FBLN1: variants seen among roughly 807,000 people sequenced by gnomAD.
The protein encoded by FBLN1 is fibulin 1.
Under a neutral mutation model 89.7 loss-of-function variants are expected in FBLN1, and 34 were observed. The observed-to-expected ratio is 0.38, with a 90% CI of 0.29 to 0.50. FBLN1 has a LOEUF of 0.50. FBLN1 is among the 20% of genes least tolerant of loss of function. FBLN1 has a pLI of 0.92. For synonymous variants in FBLN1, 393 were observed against 391.3 expected, an observed-to-expected ratio of 1.00 and a Z score of -0.05; for missense variants, 777 against 988.1, an observed-to-expected ratio of 0.79 and a Z score of 2.86.
At chr22:45,565,772 G>C (rs1465444456) in intron 14 of FBLN1, 2 of 157,864 alleles carry the variant, frequency 1.3e-5, no homozygotes, top group Admixed American at 1.2e-4. Flanking sequence ...TTCAAATATC[G>C]TCTCCTCAGC....
At chr22:45,516,727 G>A (rs1278621611) in intron 1 of FBLN1, among the ~76,000 whole-genome samples, 1 of 152,208 alleles carries the variant, frequency 6.6e-6, no homozygotes, top group Non-Finnish European at 1.5e-5. Flanking sequence ...CCTTACCCAC[G>A]CCACTGCAGG....
intron 16 of FBLN1, among the ~76,000 whole-genome samples, chr22:45,589,188 C>T (rs1000449048): frequency 2.0e-5 from 3 of 151,458 alleles, no homozygotes; most frequent in Non-Finnish European, 4.4e-5. Context: ...CCCTGTAGAT[C>T]ATTATTCCCA....
At position 45,556,071 on chromosome 22, in the gene FBLN1, C is replaced by T. The variant is rs148842647; in HGVS notation, c.1697+5456C>T. ...AGTGTGGTGGTGTGATTTTGTCTCA[C>T]CGCAACCTCCACGTCCCGAGTTCAA... is the stretch of plus-strand genomic sequence containing the variant. On this transcript the variant is annotated intron_variant, in intron 14 of 16. Coordinates refer to ENST00000327858, the MANE Select transcript of FBLN1 (RefSeq NM_006486.3). This position sits in a 1 kb window ranked among gnomAD's most constrained non-coding sequence, Gnocchi z 4.6. 7.9e-5 allele frequency among the ~76,000 whole-genome samples: 12 copies of T among 152,302 alleles called. No homozygotes were observed. The highest frequency in any genetic ancestry group is 2.9e-4 in the African/African-American group (12 of 41,572).
chr22:45,541,373 G>T lies in FBLN1; in HGVS notation c.1066+1G>T. 6.2e-7 allele frequency: 1 copy of T among 1,614,250 alleles called. No individual in the cohort carries two copies. The highest frequency in any genetic ancestry group is 1.3e-5 in the African/African-American group (1 of 75,070). On this transcript the variant is annotated splice_donor_variant, in intron 9 of 16. Coordinates refer to ENST00000327858, the MANE Select transcript of FBLN1 (RefSeq NM_006486.3). LOFTEE classifies it high-confidence loss of function. ...AACGAGGAGGGAACGCGCTGTGTTG[G>T]TTGGTATTAAGAAAACAAATCTGAA...
intron 14 of FBLN1, among the ~76,000 whole-genome samples, chr22:45,554,305 C>T: frequency 6.6e-6 from 1 of 152,230 alleles, no homozygotes; most frequent in East Asian, 1.9e-4. Flanking sequence ...GGTCATAGCT[C>T]CTCAGAGGCC....
At chr22:45,548,119 G>A (rs576863489) in intron 12 of FBLN1, among the ~76,000 whole-genome samples, 1 of 152,312 alleles carries the variant, frequency 6.6e-6, no homozygotes, top group East Asian at 1.9e-4. Flanking sequence ...TACAAACACG[G>A]CTCACTGCAG....
At chr22:45,573,317 C>A (rs1398524134) in intron 14 of FBLN1, among the ~76,000 whole-genome samples, 1 of 151,934 alleles carries the variant, frequency 6.6e-6, no homozygotes, top group Non-Finnish European at 1.5e-5. Context: ...AGAGCAAAAA[C>A]TTGTTGATGG....
At chr22:45,516,521 A>G (rs535629669) in intron 1 of FBLN1, among the ~76,000 whole-genome samples, 8 of 152,224 alleles carry the variant, frequency 5.3e-5, no homozygotes, top group Non-Finnish European at 1.2e-4. Flanking sequence ...CCCCATGATA[A>G]CACGGTTGTC....
chr22:45,557,376 A>T lies in FBLN1; in HGVS notation c.1697+6761A>T, dbSNP rs564985951. 6.6e-6 allele frequency among the ~76,000 whole-genome samples: 1 copy of T among 152,226 alleles called. No homozygotes were observed. The highest frequency in any genetic ancestry group is 2.1e-4 in the South Asian group (1 of 4,812). ...TGATGGAAGAGGTCCAGTATAATCA[A>T]CCTGCCACCAGGTAGCTGGCTGATC... On this transcript the variant is annotated intron_variant, in intron 14 of 16. Transcript: ENST00000327858. The surrounding 1 kb of genome is among the most constrained non-coding windows in gnomAD (Gnocchi z 4.9).
chr22:45,543,684 G>T (rs1190762588), intron 11 of FBLN1, among the ~76,000 whole-genome samples, 158 bp downstream of exon 11: 2 of 152,196 alleles, frequency 1.3e-5, no homozygotes, highest in African/African-American at 2.4e-5. Context: ...CATCAGAGAG[G>T]ACTGCCCGCC....
rs1164888843 is a variant in FBLN1 at position 45,565,213 on chromosome 22, G to A, written c.1698-9298G>A. 8.0e-6 allele frequency: 12 copies of A among 1,491,914 alleles called. No individual in the cohort carries two copies. In the Admixed American group the frequency reaches 9.1e-5, roughly 11 times the overall value. 92.4% of individuals were successfully genotyped at this position (1,491,914 alleles called of 1,614,324 possible). On this transcript the variant is annotated intron_variant, in intron 14 of 16. Transcript: ENST00000327858. The stretch of plus-strand genomic sequence containing the variant: ...CTCTCTGAAGGACCAGTCTGGTTAC[G>A]ATGGTCTGAGCTTCCTTAGAACCTT...
chr22:45,555,278 T>A (rs954717173), intron 14 of FBLN1, among the ~76,000 whole-genome samples: 52 of 146,682 alleles, frequency 3.5e-4, no homozygotes, highest in East Asian at 1.6e-3. Context: ...ATGGAATATA[T>A]ATATATATAT....
Position 45,537,619 on chromosome 22 carries a change from CAAA to C in FBLN1, c.922+2295_922+2297del, listed in dbSNP as rs136748. Among the ~76,000 whole-genome samples, 10 of 135,568 alleles carry C rather than the reference CAAA, an allele frequency of 7.4e-5. No individual in the cohort carries two copies. Among genetic ancestry groups the C allele is most frequent in the Admixed American group, 1.5e-4 (2 of 13,364 alleles). The allele number at this position is 135,568 out of a possible 152,430, so 88.9% of individuals were successfully genotyped here. On this transcript the variant is annotated intron_variant, in intron 8 of 16. Coordinates refer to ENST00000327858, the MANE Select transcript of FBLN1 (RefSeq NM_006486.3). This position sits in a 1 kb window ranked among gnomAD's most constrained non-coding sequence, Gnocchi z 5.7. ...TGGACAACAGAGCAAGACTCTGTGT[CAAA>C]AAAAAAAAAAAAGATAAAAAGACAA... is the stretch of plus-strand genomic sequence containing the variant.
intron 11 of FBLN1, among the ~76,000 whole-genome samples, chr22:45,546,195 G>A (rs1190666891): frequency 6.6e-6 from 1 of 151,842 alleles, no homozygotes; most frequent in Admixed American, 6.6e-5. Flanking sequence ...AAAAAAGAGT[G>A]AATGTGGCTG....
Position 45,536,431 on chromosome 22 carries a change from A to G in FBLN1, c.922+1094A>G, listed in dbSNP as rs2088483460. On this transcript the variant is annotated intron_variant, in intron 8 of 16. Coordinates refer to ENST00000327858, the MANE Select transcript of FBLN1 (RefSeq NM_006486.3). The surrounding 1 kb of genome is among the most constrained non-coding windows in gnomAD (Gnocchi z 5.1). ...TGGTTACGATGGCAGATTTTGTGTT[A>G]CATAAAATTTGTAGTTCACATGTAG... 6.6e-6 allele frequency among the ~76,000 whole-genome samples: 1 copy of G among 152,162 alleles called. No individual in the cohort carries two copies. Among genetic ancestry groups the G allele is most frequent in the Non-Finnish European group, 1.5e-5 (1 of 68,034 alleles).
rs140577415 is a variant in FBLN1 at position 45,546,692 on chromosome 22, C to T, written c.1322-393C>T. On this transcript the variant is annotated intron_variant, in intron 11 of 16. Transcript: ENST00000327858. ...AGTATGAGGAGTACTGGCGTATGGG[C>T]TGGGTGGCCGAGGACTTCCTTGTGT... Among the ~76,000 whole-genome samples, 904 of 152,294 alleles carry T rather than the reference C, an allele frequency of 5.9e-3. 8 individuals carry two copies. The highest frequency in any genetic ancestry group is 0.021 in the African/African-American group (865 of 41,564).
chr22:45,529,228 C>T (rs749517182), intron 4 of FBLN1, among the ~76,000 whole-genome samples: 92 of 152,208 alleles, frequency 6.0e-4, no homozygotes, highest in Non-Finnish European at 1.1e-3. Context: ...GATGTATGGG[C>T]GAGCAGCTGG....
chr22:45,510,493 C>G (rs987101099), intron 1 of FBLN1, among the ~76,000 whole-genome samples: 2 of 152,138 alleles, frequency 1.3e-5, no homozygotes, highest in African/African-American at 2.4e-5. Flanking sequence ...CCAGGCCTCC[C>G]GGTTCCCAGC....
At position 45,583,724 on chromosome 22, in the gene FBLN1, A is replaced by G. The variant is rs531896264; in HGVS notation, c.1972+6616A>G. On this transcript the variant is annotated intron_variant, in intron 16 of 16. Coordinates refer to ENST00000327858, the MANE Select transcript of FBLN1 (RefSeq NM_006486.3). The surrounding 1 kb of genome is among the most constrained non-coding windows in gnomAD (Gnocchi z 4.5). ...GTAACAGAAGCAGCTAGTTACTCACAGGTCCTAGAGAGGTGGGGAGCACCC... is the reference window on the plus strand; with the variant it reads ...GTAACAGAAGCAGCTAGTTACTCACGGGTCCTAGAGAGGTGGGGAGCACCC... Among the ~76,000 whole-genome samples the G allele has an allele frequency of 3.9e-5, 6 of 152,220 alleles. No homozygotes were observed. The highest frequency in any genetic ancestry group is 7.3e-5 in the Non-Finnish European group (5 of 68,032).
Sources: gnomAD v4.1 joint callset for allele counts (sites outside exome capture counted in the v4.1 genomes callset) on GRCh38, gnomAD v4.1.1 for gene constraint, Gnocchi (gnomAD v3.1) non-coding constraint, MANE v1.5 for transcripts, NCBI Gene and HGNC (gene_info 2026-07-23, HGNC 2026-07-21) for gene names.